Variants in ARHGEF3 observed in about 807,000 individuals in gnomAD.
ARHGEF3 encodes 59.8 kDA protein.
In ARHGEF3, 28 loss-of-function variants were observed where a neutral mutation model predicts 63.2. The observed-to-expected ratio is 0.44, with a 90% CI of 0.33 to 0.61. The LOEUF (loss-of-function observed/expected upper bound fraction) is 0.61. Ranked by LOEUF, ARHGEF3 falls within the 20% of genes least tolerant of loss-of-function variation. ARHGEF3 has a pLI of 0.03. For missense variants in ARHGEF3, 533 were observed against 659.3 expected (o/e 0.81, Z 2.10); for synonymous variants, 266 against 254.2 (o/e 1.05, Z -0.44).
chr3:56,979,247 T>C (rs994686308), intron 2 of ARHGEF3, among the ~76,000 whole-genome samples: 1 of 152,244 alleles, frequency 6.6e-6, no homozygotes, highest in Non-Finnish European at 1.5e-5. Flanking sequence ...TATGGAATTA[T>C]CTGGATTTGG....
At chr3:57,020,441 A>G (rs1703208493) in intron 2 of ARHGEF3, among the ~76,000 whole-genome samples, 1 of 151,920 alleles carries the variant, frequency 6.6e-6, no homozygotes, top group South Asian at 2.1e-4. Flanking sequence ...CCATTGGGGG[A>G]CCACCCCTCC....
chr3:57,030,182 T>C (rs950873906), intron 2 of ARHGEF3, among the ~76,000 whole-genome samples: 1 of 152,196 alleles, frequency 6.6e-6, no homozygotes, highest in Non-Finnish European at 1.5e-5. Context: ...CAAATCACTC[T>C]GTCTTCTAGC....
chr3:56,995,620 C>CGAGAGA (rs66778716), intron 2 of ARHGEF3, among the ~76,000 whole-genome samples: 2,626 of 112,978 alleles, frequency 0.023, 92 homozygotes, highest in African/African-American at 0.031. Context: ...GTAAATTTTC[C>CGAGAGA]GAGAGAGAGA....
chr3:57,050,836 C>A (rs932063875), intron 1 of ARHGEF3, among the ~76,000 whole-genome samples: 12 of 152,150 alleles, frequency 7.9e-5, no homozygotes, highest in African/African-American at 2.9e-4. Flanking sequence ...TATCAATAAC[C>A]ACCAAAGTTT....
At chr3:56,959,345 C>A (rs570302897) in intron 2 of ARHGEF3, among the ~76,000 whole-genome samples, 4 of 152,124 alleles carry the variant, frequency 2.6e-5, no homozygotes, top group Admixed American at 2.0e-4. Context: ...CAACCATCAA[C>A]GGGACATTTA....
chr3:57,035,628 C>T (rs1489231254), intron 1 of ARHGEF3, among the ~76,000 whole-genome samples: 14 of 152,252 alleles, frequency 9.2e-5, no homozygotes, highest in African/African-American at 3.1e-4. Flanking sequence ...GGATTACAGG[C>T]GTAAGCCACT....
intron 3 of ARHGEF3, among the ~76,000 whole-genome samples, chr3:56,912,790 G>A (rs1240652140): frequency 1.3e-5 from 2 of 152,164 alleles, no homozygotes; most frequent in African/African-American, 2.4e-5. Context: ...CAAATAGTGA[G>A]GTGAGTGAGA....
intron 2 of ARHGEF3, 62 bp from the exon 3 acceptor site, chr3:56,755,213 C>A: frequency 1.9e-6 from 3 of 1,541,984 alleles, no homozygotes; most frequent in Non-Finnish European, 2.7e-6. Flanking sequence ...GATCTTTGAG[C>A]AGTTTCCTGT....
chr3:56,859,227 T>C (rs1224466798), intron 4 of ARHGEF3, among the ~76,000 whole-genome samples: 2 of 150,838 alleles, frequency 1.3e-5, no homozygotes, highest in Non-Finnish European at 3.0e-5. Context: ...AAGCTCTGCC[T>C]CCCGGGTTCA....
At chr3:56,774,950 A>C in intron 1 of ARHGEF3, 2 of 1,359,554 alleles carry the variant, frequency 1.5e-6, no homozygotes, top group Non-Finnish European at 9.8e-7. Flanking sequence ...GCTATGGGGA[A>C]GAGAATGATG....
In ARHGEF3 at chr3:56,737,193, G is replaced by A. The variant is rs776506559; in HGVS notation, c.1033C>T (p.Arg345Trp). The A allele has an allele frequency of 5.0e-6, 8 of 1,613,322 alleles. No individual in the cohort carries two copies. The highest frequency in any genetic ancestry group is 1.3e-5 in the African/African-American group (1 of 74,878). ...LCCHGELKNN[R>W]GVKLHVFLFQ... ...AGGGAGTAACTACTTACCACGCCCC[G>A]ATTGTTCTTCAGTTCACCATGACAA... The change falls in exon 8 of 10, where the codon CGG (arginine) becomes TGG (tryptophan). Residue 345 changes from arginine to tryptophan, a missense_variant. This residue lies in a region of ARHGEF3 where 151 missense variants were observed against 190.7 expected (regional missense o/e 0.79). Coordinates refer to ENST00000296315, the MANE Select transcript of ARHGEF3 (RefSeq NM_019555.3).
At chr3:56,863,816 G>A (rs1408302240) in intron 4 of ARHGEF3, among the ~76,000 whole-genome samples, 1 of 152,108 alleles carries the variant, frequency 6.6e-6, no homozygotes, top group Non-Finnish European at 1.5e-5. Context: ...CACTGGAAAG[G>A]ACACAATTCA....
intron 3 of ARHGEF3, among the ~76,000 whole-genome samples, chr3:56,920,705 T>C (rs748829903): frequency 9.2e-5 from 14 of 152,158 alleles, no homozygotes; most frequent in Non-Finnish European, 1.9e-4. Flanking sequence ...CCCCATTTGA[T>C]ACTTCAAATT....
intron 1 of ARHGEF3, among the ~76,000 whole-genome samples, chr3:57,042,694 A>T (rs779190242): frequency 0.41 from 16,771 of 41,310 alleles, 3,083 homozygotes; most frequent in African/African-American, 0.55. Context: ...ATATATATAT[A>T]TATATATTTT....
upstream of ARHGEF3, among the ~76,000 whole-genome samples, chr3:56,803,887 TC>T (rs2037769066): frequency 1.9e-5 from 2 of 107,720 alleles, no homozygotes; most frequent in African/African-American, 5.9e-5. Context: ...ATATTTTCTT[TC>T]TTTTTTTTTT....
intron 2 of ARHGEF3, among the ~76,000 whole-genome samples, chr3:57,013,072 C>T (rs1287730368): frequency 2.6e-5 from 4 of 152,226 alleles, no homozygotes; most frequent in African/African-American, 7.2e-5. Context: ...GCGCCACACT[C>T]GAATTCTCGC....
intron 3 of ARHGEF3, among the ~76,000 whole-genome samples, chr3:56,885,200 T>C (rs755987755): frequency 5.3e-5 from 8 of 152,158 alleles, no homozygotes; most frequent in Non-Finnish European, 1.0e-4. Context: ...ATGCCCTTCT[T>C]GAGTTCTGCT....
intron 1 of ARHGEF3, among the ~76,000 whole-genome samples, chr3:57,036,812 C>T (rs1703983087): frequency 6.6e-6 from 1 of 152,218 alleles, no homozygotes; most frequent in Admixed American, 6.5e-5. Flanking sequence ...AGCACCGTTG[C>T]ATCCACTACT....
intron 3 of ARHGEF3, among the ~76,000 whole-genome samples, chr3:56,899,058 C>CA (rs2041416532): frequency 6.6e-6 from 1 of 152,038 alleles, no homozygotes; most frequent in Admixed American, 6.6e-5. Context: ...GTCCCAAAAA[C>CA]AAAAAACAAC....
Sources: allele counts gnomAD v4.1 joint callset (sites outside exome capture counted in the v4.1 genomes callset), GRCh38; gene constraint gnomAD v4.1.1; regional missense constraint gnomAD v4.1.1; transcripts MANE v1.5; gene names NCBI Gene and HGNC (gene_info 2026-07-23, HGNC 2026-07-21).